The following TPM3 variants were observed in gnomAD, a reference collection of about 807,000 sequenced individuals.
TPM3 encodes tropomyosin 3.
A neutral mutation model predicts 43.1 loss-of-function variants in TPM3; 16 were observed. The ratio of observed to expected loss-of-function variants is 0.37; its 90% confidence interval spans 0.25 to 0.56. The LOEUF is 0.56. Among genes scored for constraint, TPM3 ranks in the 20% least tolerant of loss-of-function variants. TPM3 has a pLI of 0.77. For missense variants in TPM3, 176 were observed against 337.2 expected, an observed-to-expected ratio of 0.52 and a Z score of 3.74; for synonymous variants, 101 against 116.9, an observed-to-expected ratio of 0.86 and a Z score of 0.88.
rs1393212544 is a variant in TPM3 at position 154,167,179 on chromosome 1, G to A, written c.*758C>T. 1 of 457,500 alleles carries A rather than the reference G, an allele frequency of 2.2e-6. No homozygotes were observed. Among genetic ancestry groups the A allele is most frequent in the Non-Finnish European group, 2.9e-6 (1 of 347,980 alleles). The allele number at this position is 457,500 out of a possible 1,614,324, so 28.3% of individuals were successfully genotyped here. A position where few individuals can be genotyped will look rare whatever the true frequency, so the allele number is the denominator to read the frequency against. Reference sequence around the variant, plus strand: ...ATATCCCACTAGTCACACACTAGCAGGCAAATGGTAGCAAGTCTCAAATAT... The same window carrying A: ...ATATCCCACTAGTCACACACTAGCAAGCAAATGGTAGCAAGTCTCAAATAT... On this transcript the variant is annotated 3_prime_UTR_variant, in exon 10 of 10. Coordinates refer to ENST00000651641, the MANE Select transcript of TPM3 (RefSeq NM_152263.4).
rs1660564495 is a variant in TPM3, at chr1:154,163,206, T to A, written c.*4731A>T. On this transcript the variant is annotated 3_prime_UTR_variant, in exon 10 of 10. Transcript: ENST00000651641. Reference sequence around the variant, plus strand: ...ATGCATTGTCCAATATAATAGCCACTAGCCACAGGTAGCCAAATTTAAATG... The same window carrying A: ...ATGCATTGTCCAATATAATAGCCACAAGCCACAGGTAGCCAAATTTAAATG... Among the ~76,000 whole-genome samples, 1 of 152,176 alleles carries A rather than the reference T, an allele frequency of 6.6e-6. No homozygotes were observed. The highest frequency in any genetic ancestry group is 2.1e-4 in the South Asian group (1 of 4,830).
rs144544045 is a variant in TPM3, at chr1:154,164,440, A to G, written c.*3497T>C. Among the ~76,000 whole-genome samples, 683 of 152,174 alleles carry G rather than the reference A, an allele frequency of 4.5e-3. 7 individuals carry two copies. Among genetic ancestry groups the G allele is most frequent in the African/African-American group, 0.01 (435 of 41,556 alleles). ...CTCCTAAAGTGCAGGGATTACAGGC[A>G]TGAGCCACTGCACCCGGCTAATTCT... On this transcript the variant is annotated 3_prime_UTR_variant, in exon 10 of 10. Coordinates refer to ENST00000651641, the MANE Select transcript of TPM3 (RefSeq NM_152263.4).
chr1:154,169,646 T>C, intron 8 of TPM3: 1 of 561,692 alleles, frequency 1.8e-6, no homozygotes, highest in South Asian at 2.1e-5. Context: ...AAATTCCTAT[T>C]ACCAAAAGCA....
chr1:154,183,253 C>G, intron 2 of TPM3: 1 of 1,526,198 alleles, frequency 6.6e-7, no homozygotes, highest in Non-Finnish European at 8.8e-7. Flanking sequence ...ATGTGACGTC[C>G]CTCTGCCGCG....
chr1:154,182,924 C>G, intron 2 of TPM3: 1 of 1,606,946 alleles, frequency 6.2e-7, no homozygotes, highest in Non-Finnish European at 8.5e-7. Context: ...CAAAAGGGAC[C>G]TTATTCCGCT....
rs886045291 is a variant in TPM3 at position 154,162,907 on chromosome 1, C to CT, written c.*5029dup. 6.6e-6 allele frequency among the ~76,000 whole-genome samples: 1 copy of CT among 152,024 alleles called. No homozygotes were observed. The highest frequency in any genetic ancestry group is 2.4e-5 in the African/African-American group (1 of 41,376). On this transcript the variant is annotated 3_prime_UTR_variant, in exon 10 of 10. Transcript: ENST00000651641. ...CTCCCAATCTCCCTCTTATTTCCTTCTTTTTTTTCTCTCCTGCCTCAGCCT... is the reference window on the plus strand; with the variant it reads ...CTCCCAATCTCCCTCTTATTTCCTTCTTTTTTTTTCTCTCCTGCCTCAGCCT...
downstream of TPM3, among the ~76,000 whole-genome samples, chr1:154,161,610 A>ATT (rs796496480): frequency 7.1e-6 from 1 of 141,290 alleles, no homozygotes. Flanking sequence ...TAATTTTTGC[A>ATT]TTTTTTTTTT....
chr1:154,169,937 G>C, intron 8 of TPM3: 1 of 245,194 alleles, frequency 4.1e-6, no homozygotes, highest in East Asian at 1.1e-4. Context: ...AAAGTATTTA[G>C]AAAGCTCCTG....
At chr1:154,176,653 G>A (rs4845603) in intron 2 of TPM3, among the ~76,000 whole-genome samples, 81,287 of 128,346 alleles carry the variant, frequency 0.63, 25,218 homozygotes, top group East Asian at 0.88. Flanking sequence ...CATAAAGCAG[G>A]AAAAAAAAAA....
rs200486378 is a variant in TPM3, at chr1:154,180,792, G to GT, written c.244-4545dup. On this transcript the variant is annotated intron_variant, in intron 2 of 9. Coordinates refer to ENST00000651641, the MANE Select transcript of TPM3 (RefSeq NM_152263.4). ...TAAAAAAAAATCGCCGAGTGTGGTG[G>GT]TGGATGCCTGTAATCCCAGCCACTC... 3.6e-3 allele frequency among the ~76,000 whole-genome samples: 547 copies of GT among 152,170 alleles called. 5 individuals carry two copies. Among genetic ancestry groups the GT allele is most frequent in the African/African-American group, 0.013 (529 of 41,514 alleles).
Position 154,188,395 on chromosome 1 carries a change from G to A in TPM3, c.243+2791C>T, listed in dbSNP as rs907152415. ...AGAATTAATAGTTTGTGGCGGCCTG[G>A]CCGGGCGCGGTGGCTCACACCTGTA... is the stretch of plus-strand genomic sequence containing the variant. On this transcript the variant is annotated intron_variant, in intron 2 of 9. Coordinates refer to ENST00000651641, the MANE Select transcript of TPM3 (RefSeq NM_152263.4). Among the ~76,000 whole-genome samples the A allele has an allele frequency of 2.5e-4, 38 of 151,780 alleles. 2 individuals carry two copies. Among genetic ancestry groups the A allele is most frequent in the Middle Eastern group, 3.4e-3 (1 of 294 alleles).
rs370583609 is a variant in TPM3, at chr1:154,169,424, G to C, written c.776-41C>G. 414 of 1,601,728 alleles carry C rather than the reference G, an allele frequency of 2.6e-4. 1 individual carries two copies. The highest frequency in any genetic ancestry group is 2.7e-4 in the Non-Finnish European group (316 of 1,168,736). On this transcript the variant is annotated intron_variant, in intron 8 of 9. Coordinates refer to ENST00000651641, the MANE Select transcript of TPM3 (RefSeq NM_152263.4). ...AACCACAGGGAGGAATGAGGGGACA[G>C]AGTGAAGAGTTTCAGAAGCAGATGA...
At chr1:154,175,453 G>C (rs1399967420) in intron 3 of TPM3, among the ~76,000 whole-genome samples, 1 of 151,928 alleles carries the variant, frequency 6.6e-6, no homozygotes, top group African/African-American at 2.4e-5. Context: ...AAATTCCCCA[G>C]TGATTTCCCC....
chr1:154,167,896 G>T lies in TPM3; in HGVS notation c.*41C>A, dbSNP rs886045318. Reference sequence around the variant, plus strand: ...AGTGGGGCCTTGGGTTCCCCGAGGAGTAAAGGGGGCAGATCCAGAACAGAG... The same window carrying T: ...AGTGGGGCCTTGGGTTCCCCGAGGATTAAAGGGGGCAGATCCAGAACAGAG... On this transcript the variant is annotated 3_prime_UTR_variant, in exon 10 of 10. Transcript: ENST00000651641. 1.9e-6 allele frequency: 3 copies of T among 1,614,038 alleles called. No individual in the cohort carries two copies. Among genetic ancestry groups the T allele is most frequent in the East Asian group, 2.2e-5 (1 of 44,886 alleles).
At chr1:154,178,152 C>T (rs1662553751) in intron 2 of TPM3, 13 of 985,324 alleles carry the variant, frequency 1.3e-5, no homozygotes, top group Non-Finnish European at 1.6e-5. Context: ...TTAGAGGAAG[C>T]TCATGAAATG....
At chr1:154,182,760 T>A (rs1380874052) in intron 2 of TPM3, among the ~76,000 whole-genome samples, 1 of 152,008 alleles carries the variant, frequency 6.6e-6, no homozygotes, top group Non-Finnish European at 1.5e-5. Flanking sequence ...CCAAACCCCG[T>A]AAGGCTCAAT....
rs1661077595 is a variant in TPM3, at chr1:154,167,214, G to A, written c.*723C>T. ...AGCAAGTCTCAAATATGTAAGAAAGGTTTAAAGAAGAAAAAGTAAAAAAAC... is the reference window on the plus strand; with the variant it reads ...AGCAAGTCTCAAATATGTAAGAAAGATTTAAAGAAGAAAAAGTAAAAAAAC... On this transcript the variant is annotated 3_prime_UTR_variant, in exon 10 of 10. Transcript: ENST00000651641. 1.3e-6 allele frequency: 1 copy of A among 793,230 alleles called. No individual in the cohort carries two copies. Among genetic ancestry groups the A allele is most frequent in the African/African-American group, 1.9e-5 (1 of 53,126 alleles). The allele number at this position is 793,230 out of a possible 1,614,324, so 49.1% of individuals were successfully genotyped here.
downstream of TPM3, chr1:154,156,450 A>G (rs533304763): frequency 5.2e-6 from 1 of 192,300 alleles, no homozygotes; most frequent in East Asian, 8.2e-5. Flanking sequence ...CTTTCTCCCA[A>G]TCGGCCCCAA....
At chr1:154,178,495 G>A (rs373822798) in intron 2 of TPM3, among the ~76,000 whole-genome samples, 1 of 152,164 alleles carries the variant, frequency 6.6e-6, no homozygotes, top group East Asian at 1.9e-4. Flanking sequence ...CAGAGGATCA[G>A]TTCTCTTTAC....
Sources: allele counts gnomAD v4.1 joint callset (sites outside exome capture counted in the v4.1 genomes callset), GRCh38; gene constraint gnomAD v4.1.1; transcripts MANE v1.5; gene names NCBI Gene and HGNC (gene_info 2026-07-23, HGNC 2026-07-21).